Variants in FRY observed in about 807,000 individuals in gnomAD.
FRY encodes the protein protein furry homolog.
FRY carries 128 observed loss-of-function variants against 348.4 expected under a neutral mutation model. The ratio of observed to expected loss-of-function variants is 0.37; its 90% confidence interval spans 0.32 to 0.43. The LOEUF is 0.43. FRY is among the 20% of genes least tolerant of loss of function. The pLI is 1.00. For synonymous variants in FRY, 1,370 were observed against 1,374.7 expected (o/e 1.00, Z 0.08); for missense variants, 2,736 against 3,695.2 (o/e 0.74, Z 6.73).
intron 1 of FRY, among the ~76,000 whole-genome samples, chr13:32,035,653 C>T (rs1872471560): frequency 6.6e-6 from 1 of 152,208 alleles, no homozygotes; most frequent in Non-Finnish European, 1.5e-5. Context: ...AATGAAGGTA[C>T]ATTCAGAATC....
At chr13:32,228,696 C>A (rs771914953) in intron 40 of FRY, 42 bp downstream of exon 40, 2 of 1,567,234 alleles carry the variant, frequency 1.3e-6, no homozygotes, top group Admixed American at 1.7e-5. Flanking sequence ...GCAGGTTGGT[C>A]TTTCGGAAAA....
intron 60 of FRY, among the ~76,000 whole-genome samples, chr13:32,295,000 G>A (rs1172105859): frequency 6.6e-6 from 1 of 152,072 alleles, no homozygotes; most frequent in Non-Finnish European, 1.5e-5. Context: ...TTCTAAAATT[G>A]ATTATGGTGA....
Position 32,178,357 on chromosome 13 carries a change from C to A in FRY, c.2602C>A (p.His868Asn), listed in dbSNP as rs1882494371. ...SFLRQENLPK[H>N]CPTALSYAWP... ...CCTCCGGCAGGAGAACTTACCCAAGCACTGCCCCACAGCCCTCAGCTATGC... is the reference window on the plus strand; with the variant it reads ...CCTCCGGCAGGAGAACTTACCCAAGAACTGCCCCACAGCCCTCAGCTATGC... The change falls in exon 21 of 61, where the codon CAC becomes AAC. Residue 868 changes from histidine (H) to asparagine (N), a missense_variant. By Grantham distance (68) the His-to-Asn change is moderately conservative (BLOSUM62 1). This residue lies in a region of FRY where 449 missense variants were observed against 576.9 expected (regional missense o/e 0.78). Coordinates refer to ENST00000542859, the MANE Select transcript of FRY (RefSeq NM_023037.3). 1 of 1,614,192 alleles carries A rather than the reference C, an allele frequency of 6.2e-7. No homozygotes were observed. The highest frequency in any genetic ancestry group is 8.5e-7 in the Non-Finnish European group (1 of 1,180,008).
intron 26 of FRY, 107 bp downstream of exon 26, chr13:32,185,255 G>A: frequency 1.1e-6 from 1 of 922,434 alleles, no homozygotes; most frequent in Non-Finnish European, 1.8e-6. Flanking sequence ...TGCAGGTCTG[G>A]GATGGTGAAG....
Position 32,239,765 on chromosome 13 carries a change from C to G in FRY, c.6571C>G (p.Leu2191Val), listed in dbSNP as rs1886404314. 6.2e-7 allele frequency: 1 copy of G among 1,613,882 alleles called. No homozygotes were observed. Among genetic ancestry groups the G allele is most frequent in the East Asian group, 2.2e-5 (1 of 44,876 alleles). ...TTCAAATCTTGCACATGTCATGACT[C>G]TTTATAAAACGCACAGCTACACGAG... Reference protein sequence around the residue: ...KLSNLAHVMTLYKTHSYTRDC... With the variant: ...KLSNLAHVMTVYKTHSYTRDC... Residue 2191 changes from leucine to valine, a missense_variant, in exon 46 of 61, where the codon CTT (leucine) becomes GTT (valine). By Grantham distance (32) the Leu-to-Val change is conservative. Coordinates refer to ENST00000542859, the MANE Select transcript of FRY (RefSeq NM_023037.3). This position sits in a 1 kb window ranked among gnomAD's most constrained non-coding sequence, Gnocchi z 4.3.
At chr13:32,196,181 AATTTT>A (rs977726911) in intron 29 of FRY, among the ~76,000 whole-genome samples, 1 of 152,204 alleles carries the variant, frequency 6.6e-6, no homozygotes, top group Non-Finnish European at 1.5e-5. Context: ...ATGCAAACTG[AATTTT>A]ATTTTAAGTT....
At chr13:32,136,676 C>T (rs1383538661) in intron 10 of FRY, among the ~76,000 whole-genome samples, 195 bp from the exon 11 acceptor site, 1 of 152,236 alleles carries the variant, frequency 6.6e-6, no homozygotes, top group African/African-American at 2.4e-5. Flanking sequence ...ATTCCATCCC[C>T]AGCATTATCA....
intron 55 of FRY, among the ~76,000 whole-genome samples, chr13:32,272,713 GT>G (rs899387740): frequency 5.3e-5 from 8 of 152,084 alleles, no homozygotes; most frequent in African/African-American, 1.9e-4. Flanking sequence ...GGGTAAAAGT[GT>G]TTTTTTGTTT....
chr13:32,219,775 T>G (rs1188269561), intron 36 of FRY, among the ~76,000 whole-genome samples: 2 of 152,114 alleles, frequency 1.3e-5, no homozygotes, highest in Non-Finnish European at 2.9e-5. Flanking sequence ...TCCACCTATC[T>G]TGCGAGTGGG....
At chr13:32,036,272 A>G (rs147315736) in intron 1 of FRY, among the ~76,000 whole-genome samples, 7 of 152,310 alleles carry the variant, frequency 4.6e-5, no homozygotes, top group African/African-American at 1.7e-4. Flanking sequence ...GGTTCTTTAA[A>G]TAGAGGAAGT....
chr13:32,176,123 C>G (rs574368750), intron 20 of FRY, among the ~76,000 whole-genome samples: 3 of 152,162 alleles, frequency 2.0e-5, no homozygotes, highest in Non-Finnish European at 4.4e-5. Flanking sequence ...TCTGGGCTCT[C>G]GAACTCTCCT....
intron 2 of FRY, chr13:32,086,099 T>C: frequency 2.2e-6 from 1 of 451,456 alleles, no homozygotes; most frequent in Non-Finnish European, 4.4e-6. Context: ...AGAGGAAATT[T>C]CATTGGTTCT....
In FRY at chr13:32,173,484, C is replaced by T. The variant is rs754547049; in HGVS notation, c.2269C>T (p.Arg757Cys). 7 of 1,613,324 alleles carry T rather than the reference C, an allele frequency of 4.3e-6. No homozygotes were observed. Among genetic ancestry groups the T allele is most frequent in the South Asian group, 2.2e-5 (2 of 91,054 alleles). The part of the protein sequence containing the change: ...VLLCSFQVAT[R>C]KLSVLILKEI... ...ACTCTGCAGTTTCCAGGTGGCCACA[C>T]GCAAACTGTCCGTTTTAATACTCAA... The change falls in exon 19 of 61, where the codon CGC becomes TGC. Residue 757 changes from arginine to cysteine, a missense_variant. Physicochemically the swap from Arg to Cys is radical, Grantham distance 180. Coordinates refer to ENST00000542859, the MANE Select transcript of FRY (RefSeq NM_023037.3).
intron 29 of FRY, among the ~76,000 whole-genome samples, chr13:32,198,473 G>T (rs1883817551): frequency 6.6e-6 from 1 of 152,170 alleles, no homozygotes; most frequent in South Asian, 2.1e-4. Context: ...GCTATGAAAT[G>T]CACTATCGTG....
rs568114199 is a variant in FRY, at chr13:32,080,306, A to C, written c.270+1273A>C. On this transcript the variant is annotated intron_variant, in intron 2 of 60. Transcript: ENST00000542859. ...CTCCTCTTACTACTAATAATAGCTG[A>C]TATCTGTGGTGTACTTACTATGTAC... 1.3e-3 allele frequency among the ~76,000 whole-genome samples: 199 copies of C among 152,290 alleles called. 1 individual carries two copies. Among genetic ancestry groups the C allele is most frequent in the Non-Finnish European group, 1.9e-3 (131 of 68,016 alleles).
chr13:32,145,863 C>T (rs1714990028), intron 11 of FRY, among the ~76,000 whole-genome samples: 1 of 152,080 alleles, frequency 6.6e-6, no homozygotes, highest in African/African-American at 2.4e-5. Context: ...TTTGTTAATG[C>T]CTGGGTGCCC....
At chr13:32,052,933 G>GTGAA (rs1174350715) in intron 1 of FRY, among the ~76,000 whole-genome samples, 2 of 152,166 alleles carry the variant, frequency 1.3e-5, no homozygotes, top group African/African-American at 4.8e-5. Context: ...GGCCAACATG[G>GTGAA]TGAAACCCCG....
intron 3 of FRY, among the ~76,000 whole-genome samples, chr13:32,108,125 G>A (rs1467625272): frequency 2.0e-5 from 3 of 152,196 alleles, no homozygotes; most frequent in African/African-American, 7.2e-5. Flanking sequence ...CTCCAGATCT[G>A]GAAGAGGGTC....
chr13:32,219,015 A>C (rs1415325431), intron 36 of FRY, among the ~76,000 whole-genome samples, 184 bp downstream of exon 36: 1 of 151,416 alleles, frequency 6.6e-6, no homozygotes, highest in African/African-American at 2.4e-5. Flanking sequence ...AAAAGAAAAA[A>C]CCATGGACAA....
Sources: allele counts gnomAD v4.1 joint callset (sites outside exome capture counted in the v4.1 genomes callset), GRCh38; gene constraint gnomAD v4.1.1; regional missense constraint gnomAD v4.1.1; non-coding constraint Gnocchi (gnomAD v3.1); transcripts MANE v1.5; gene names NCBI Gene and HGNC (gene_info 2026-07-23, HGNC 2026-07-21).